TAFA5: variants seen among roughly 807,000 people sequenced by gnomAD.
The protein encoded by TAFA5 is TAFA chemokine like family member 5.
In TAFA5, 6 loss-of-function variants were observed where a neutral mutation model predicts 15.3. That is an observed-to-expected ratio of 0.39 (90% CI 0.21 to 0.77). TAFA5 has a LOEUF of 0.77. Among genes scored for constraint, TAFA5 ranks in the 30% least tolerant of loss-of-function variants. The probability of loss-of-function intolerance (pLI) is 0.41; values close to 1 mark genes in which losing one functional copy is unlikely to be tolerated. For synonymous variants in TAFA5, 103 were observed against 80.7 expected (o/e 1.28, Z -1.48); for missense variants, 161 against 193.1 (o/e 0.83, Z 0.98).
chr22:48,599,012 G>T (rs573613606), intron 1 of TAFA5, among the ~76,000 whole-genome samples: 2 of 152,312 alleles, frequency 1.3e-5, no homozygotes, highest in Admixed American at 6.5e-5. Context: ...CATAGGGCCA[G>T]GGGAGGGGCG....
chr22:48,642,107 G>T (rs569661126), intron 1 of TAFA5, among the ~76,000 whole-genome samples: 13 of 151,954 alleles, frequency 8.6e-5, no homozygotes, highest in Admixed American at 5.9e-4. Flanking sequence ...TGGTGAAGGG[G>T]CCTGTGCTTT....
intron 1 of TAFA5, among the ~76,000 whole-genome samples, chr22:48,516,877 C>G (rs1162861057): frequency 6.6e-6 from 1 of 152,184 alleles, no homozygotes; most frequent in Non-Finnish European, 1.5e-5. Context: ...GGGATGTGCA[C>G]GACCCCATCC....
At chr22:48,618,546 C>T (rs938360996) in intron 1 of TAFA5, among the ~76,000 whole-genome samples, 4 of 152,150 alleles carry the variant, frequency 2.6e-5, no homozygotes, top group African/African-American at 7.2e-5. Context: ...CAGGTGGCCT[C>T]GTCCGCACCC....
chr22:48,612,064 A>G (rs953305173), intron 1 of TAFA5, among the ~76,000 whole-genome samples: 18 of 152,198 alleles, frequency 1.2e-4, no homozygotes, highest in East Asian at 3.9e-4. Flanking sequence ...CAAGGCTGGA[A>G]GCAGCACAGG....
At chr22:48,734,725 C>T (rs548957246) in intron 3 of TAFA5, among the ~76,000 whole-genome samples, 1 of 152,362 alleles carries the variant, frequency 6.6e-6, no homozygotes, top group African/African-American at 2.4e-5. Flanking sequence ...AAGTGAACAG[C>T]CCCGTCCTGA....
intron 1 of TAFA5, among the ~76,000 whole-genome samples, chr22:48,528,411 C>T (rs1056599366): frequency 2.6e-5 from 4 of 152,078 alleles, no homozygotes; most frequent in African/African-American, 4.8e-5. Flanking sequence ...TGAGGAGGCA[C>T]CCCTGGAAGG....
intron 2 of TAFA5, among the ~76,000 whole-genome samples, chr22:48,705,179 T>C (rs1346327776): frequency 1.3e-5 from 2 of 152,066 alleles, no homozygotes; most frequent in African/African-American, 2.4e-5. Flanking sequence ...TGGAAAGGGA[T>C]TGGGGGTAGC....
chr22:48,539,600 C>T lies in TAFA5; in HGVS notation c.112+49896C>T, dbSNP rs941759934. ...CCCCTCAGGTGGAAATCGGGAAGGA[C>T]GAGGAAGGTATGCTGTGCTGAGCTA... is the stretch of plus-strand genomic sequence containing the variant. On this transcript the variant is annotated intron_variant, in intron 1 of 3. Coordinates refer to ENST00000402357, the MANE Select transcript of TAFA5 (RefSeq NM_001082967.3). 9.9e-5 allele frequency among the ~76,000 whole-genome samples: 15 copies of T among 152,244 alleles called. No homozygotes were observed. In the South Asian group the frequency reaches 1.0e-3, roughly 11 times the overall value.
intron 1 of TAFA5, among the ~76,000 whole-genome samples, chr22:48,620,517 T>G (rs1369319566): frequency 7.0e-6 from 1 of 143,468 alleles, no homozygotes; most frequent in Admixed American, 7.2e-5. Context: ...TGTTCTTCTA[T>G]TTTTGTTTTT....
intron 1 of TAFA5, among the ~76,000 whole-genome samples, chr22:48,557,735 AC>A (rs1343422820): frequency 6.6e-6 from 1 of 152,068 alleles, no homozygotes; most frequent in African/African-American, 2.4e-5. Context: ...CCCCCACAGC[AC>A]CCCTTCCTGA....
intron 1 of TAFA5, among the ~76,000 whole-genome samples, chr22:48,569,088 G>A (rs1473818842): frequency 1.3e-5 from 2 of 152,196 alleles, no homozygotes; most frequent in African/African-American, 2.4e-5. Context: ...CTCACTGGCC[G>A]TGGCCTCCTA....
chr22:48,677,193 G>A (rs921146386), intron 2 of TAFA5, among the ~76,000 whole-genome samples: 5 of 152,252 alleles, frequency 3.3e-5, no homozygotes, highest in African/African-American at 7.2e-5. Context: ...AGTGCCCGTC[G>A]GGGATGCTGA....
chr22:48,545,200 G>T, intron 1 of TAFA5: 1 of 297,268 alleles, frequency 3.4e-6, no homozygotes. Flanking sequence ...CAGTCTTTCC[G>T]CCACTCACTG....
At chr22:48,532,140 A>T (rs1251160466) in intron 1 of TAFA5, among the ~76,000 whole-genome samples, 1 of 152,182 alleles carries the variant, frequency 6.6e-6, no homozygotes, top group Non-Finnish European at 1.5e-5. Flanking sequence ...GATGAAGAGG[A>T]GGGATCTCCT....
rs1026328454 is a variant in TAFA5 at position 48,489,769 on chromosome 22, C to T, written c.112+65C>T. On this transcript the variant is annotated intron_variant, in intron 1 of 3. Transcript: ENST00000402357. The surrounding 1 kb of genome is among the most constrained non-coding windows in gnomAD (Gnocchi z 5.5). ...GGCCCCGGACCCCCTCCTCCGGCCC[C>T]GGCAGGCGCCCCGCGGGCCTCCCGG... 1.9e-6 allele frequency: 2 copies of T among 1,047,698 alleles called. No individual in the cohort carries two copies. The highest frequency in any genetic ancestry group is 2.5e-6 in the Non-Finnish European group (2 of 792,644). The allele number at this position is 1,047,698 out of a possible 1,614,324, so 64.9% of individuals were successfully genotyped here.
At chr22:48,596,305 C>T (rs1164282748) in intron 1 of TAFA5, among the ~76,000 whole-genome samples, 3 of 152,286 alleles carry the variant, frequency 2.0e-5, no homozygotes, top group Admixed American at 1.3e-4. Flanking sequence ...CTCCACGGCC[C>T]GTGTGTCTGG....
intron 1 of TAFA5, among the ~76,000 whole-genome samples, chr22:48,610,666 C>T (rs1331038382): frequency 1.3e-5 from 2 of 151,772 alleles, no homozygotes; most frequent in African/African-American, 2.4e-5. Context: ...GAGCTGTCAG[C>T]GTTGGGCCGT....
At chr22:48,539,420 A>G in intron 1 of TAFA5, 1 of 471,218 alleles carries the variant, frequency 2.1e-6, no homozygotes, top group South Asian at 1.5e-5. Flanking sequence ...CCCAGGCAGG[A>G]AAAGCTGTTT....
At chr22:48,702,812 G>A (rs1328245705) in intron 2 of TAFA5, among the ~76,000 whole-genome samples, 2 of 152,248 alleles carry the variant, frequency 1.3e-5, no homozygotes, top group Admixed American at 6.5e-5. Flanking sequence ...TTTGTCCCCG[G>A]GACATGGTGG....
Sources: gnomAD v4.1 joint callset for allele counts (sites outside exome capture counted in the v4.1 genomes callset) on GRCh38, gnomAD v4.1.1 for gene constraint, Gnocchi (gnomAD v3.1) non-coding constraint, MANE v1.5 for transcripts, NCBI Gene and HGNC (gene_info 2026-07-23, HGNC 2026-07-21) for gene names.